NDUFV3: variants seen among roughly 807,000 people sequenced by gnomAD.
The protein encoded by NDUFV3 is NADH:ubiquinone oxidoreductase subunit V3.
Under a neutral mutation model 37.5 loss-of-function variants are expected in NDUFV3, and 44 were observed. The observed-to-expected ratio is 1.17, with a 90% CI of 0.92 to 1.51. NDUFV3 has a LOEUF of 1.51. Ranked by LOEUF, NDUFV3 falls within the 40% of genes most tolerant of loss-of-function variation. NDUFV3 has a pLI of 0.00. For synonymous variants in NDUFV3, 235 were observed against 239.3 expected (o/e 0.98, Z 0.17); for missense variants, 580 against 580.4 (o/e 1.00, Z 0.01).
chr21:42,894,472 A>AATATATG (rs1568854227), intron 1 of NDUFV3, among the ~76,000 whole-genome samples: 1 of 69,582 alleles, frequency 1.4e-5, no homozygotes, highest in East Asian at 2.8e-4. Flanking sequence ...ATAAATATAT[A>AATATATG]TTATATATTT....
intron 2 of NDUFV3, 58 bp from the exon 3 acceptor site, chr21:42,903,122 ATT>A (rs1158769417): frequency 3.7e-6 from 6 of 1,600,854 alleles, no homozygotes; most frequent in Non-Finnish European, 5.1e-6. Context: ...AATGTCTGTA[ATT>A]TTGACTGAGT....
At position 42,904,220 on chromosome 21, in the gene NDUFV3, A is replaced by G; in HGVS notation, c.1208A>G (p.Glu403Gly). The G allele has an allele frequency of 6.2e-7, 1 of 1,613,490 alleles. No individual in the cohort carries two copies. Among genetic ancestry groups the G allele is most frequent in the African/African-American group, 1.3e-5 (1 of 75,050 alleles). Residue 403 changes from glutamate (E) to glycine (G), a missense_variant, in exon 3 of 4, where the codon GAG becomes GGG. Coordinates refer to ENST00000354250, the MANE Select transcript of NDUFV3 (RefSeq NM_021075.4). ...ACAGCAGCGCTGAAGCTTGAGGCCGAGGGCGAGGCCATGGAAGATGCAGCC... is the reference window on the plus strand; with the variant it reads ...ACAGCAGCGCTGAAGCTTGAGGCCGGGGGCGAGGCCATGGAAGATGCAGCC... Reference protein sequence around the residue: ...EKTAALKLEAEGEAMEDAAAP... With the variant: ...EKTAALKLEAGGEAMEDAAAP...
chr21:42,910,342 GT>G lies in NDUFV3; in HGVS notation c.*1323del, dbSNP rs1395649415. The G allele has an allele frequency of 6.6e-6, 1 of 152,142 alleles. No homozygotes were observed. Among genetic ancestry groups the G allele is most frequent in the African/African-American group, 2.4e-5 (1 of 41,382 alleles). 9.4% of individuals were successfully genotyped at this position (152,142 alleles called of 1,614,324 possible). A position where few individuals can be genotyped will look rare whatever the true frequency, so the allele number is the denominator to read the frequency against. ...TCAATCAAAAAAAAGGAACAGGAAT[GT>G]TACTAATTTTAACTACTGCATTGCA... is the stretch of plus-strand genomic sequence containing the variant. On this transcript the variant is annotated 3_prime_UTR_variant, in exon 4 of 4. Coordinates refer to ENST00000354250, the MANE Select transcript of NDUFV3 (RefSeq NM_021075.4).
chr21:42,904,828 A>T (rs932280673), intron 3 of NDUFV3, among the ~76,000 whole-genome samples: 9 of 142,274 alleles, frequency 6.3e-5, no homozygotes, highest in Non-Finnish European at 1.4e-4. Context: ...GTCTTGCTCC[A>T]TCTCCAGGCT....
chr21:42,897,522 T>C (rs1458079015), intron 2 of NDUFV3, among the ~76,000 whole-genome samples: 7 of 152,158 alleles, frequency 4.6e-5, no homozygotes, highest in Admixed American at 3.9e-4. Context: ...TACAGGCATG[T>C]GCCACCACGT....
intron 1 of NDUFV3, among the ~76,000 whole-genome samples, chr21:42,895,559 A>G (rs552362214): frequency 1.2e-4 from 18 of 151,742 alleles, no homozygotes; most frequent in African/African-American, 3.6e-4. Context: ...GGCTGAGGCA[A>G]GAGAATCGCT....
chr21:42,905,736 G>A (rs924464346), intron 3 of NDUFV3, among the ~76,000 whole-genome samples: 5 of 151,976 alleles, frequency 3.3e-5, no homozygotes, highest in East Asian at 1.9e-4. Flanking sequence ...GGCTGGTCTC[G>A]AACTCCTGAC....
chr21:42,908,923 C>T lies in NDUFV3; in HGVS notation c.1324C>T (p.His442Tyr). The change falls in exon 4 of 4, where the codon CAT (histidine) becomes TAT (tyrosine). Residue 442 changes from histidine to tyrosine, a missense_variant. Physicochemically the swap from His to Tyr is moderately conservative, Grantham distance 83. Transcript: ENST00000354250. ...CACTACCTACAAGAACCTGCAGCAT[C>T]ATGACTACAGCACGTACACCTTCTT... ...DNTTYKNLQH[H>Y]DYSTYTFLDL... 1 of 1,614,124 alleles carries T rather than the reference C, an allele frequency of 6.2e-7. No individual in the cohort carries two copies.
At chr21:42,894,559 A>ATT (rs1255547010) in intron 1 of NDUFV3, among the ~76,000 whole-genome samples, 1 of 63,756 alleles carries the variant, frequency 1.6e-5, no homozygotes, top group African/African-American at 9.0e-5. Flanking sequence ...TAATATATAT[A>ATT]TATTTTTTTT....
intron 2 of NDUFV3, among the ~76,000 whole-genome samples, chr21:42,898,170 A>G (rs1212835954): frequency 6.6e-6 from 1 of 152,144 alleles, no homozygotes; most frequent in African/African-American, 2.4e-5. Flanking sequence ...CCAGCCCCTG[A>G]CTGCCTCTCA....
intron 2 of NDUFV3, among the ~76,000 whole-genome samples, chr21:42,899,277 G>GTTTTTTTTTTTTTTTTTTTTTT (rs370812043): frequency 1.4e-5 from 2 of 141,132 alleles, no homozygotes; most frequent in Non-Finnish European, 3.1e-5. Flanking sequence ...GTTGTATCTT[G>GTTTTTTTTTTTTTTTTTTTTTT]TTTTTTTTTG....
At position 42,903,881 on chromosome 21, in the gene NDUFV3, C is replaced by T. The variant is rs1355106411; in HGVS notation, c.869C>T (p.Pro290Leu). 3.1e-6 allele frequency: 5 copies of T among 1,611,806 alleles called. No individual in the cohort carries two copies. The East Asian group carries it at 8.9e-5, about 29-fold the overall frequency. The change falls in exon 3 of 4, where the codon CCC becomes CTC. Residue 290 changes from proline (P) to leucine (L), a missense_variant. Pro to Leu is a moderately conservative substitution (Grantham distance 98). Transcript: ENST00000354250. ...ESQKPFEVKG[P>L]LPVHTKSGLS... ...CAAAAGCCATTTGAAGTTAAAGGACCCTTACCTGTCCACACAAAATCAGGG... is the reference window on the plus strand; with the variant it reads ...CAAAAGCCATTTGAAGTTAAAGGACTCTTACCTGTCCACACAAAATCAGGG...
At chr21:42,902,543 A>G (rs1328919843) in intron 2 of NDUFV3, among the ~76,000 whole-genome samples, 3 of 152,198 alleles carry the variant, frequency 2.0e-5, no homozygotes, top group Non-Finnish European at 2.9e-5. Context: ...TTTGAGTTCT[A>G]TTTTGAGGTG....
rs1179452826 is a variant in NDUFV3 at position 42,894,444 on chromosome 21, TA to T, written c.48+1064del. Among the ~76,000 whole-genome samples the T allele has an allele frequency of 6.3e-4, 35 of 55,296 alleles. 4 individuals carry two copies. The South Asian group carries it at 0.013, about 20-fold the overall frequency. The allele number at this position is 55,296 out of a possible 152,430, so 36.3% of individuals were successfully genotyped here. A position where few individuals can be genotyped will look rare whatever the true frequency, so the allele number is the denominator to read the frequency against. ...TATTATATAAATATATATTATATAA[TA>T]TATATAATATGTTTATATAAATATA... On this transcript the variant is annotated intron_variant, in intron 1 of 3. Coordinates refer to ENST00000354250, the MANE Select transcript of NDUFV3 (RefSeq NM_021075.4).
Position 42,893,342 on chromosome 21 carries a change from C to A in NDUFV3, c.9C>A (p.Ala3=). The A allele has an allele frequency of 6.5e-7, 1 of 1,538,518 alleles. No homozygotes were observed. The highest frequency in any genetic ancestry group is 8.7e-7 in the Non-Finnish European group (1 of 1,146,396). ...CGCCCGCTGTCACCGCCATGGCTGC[C>A]CCGTGTTTGCTGCGGCAAGGACGAG... MA[A]PCLLRQGRAG... Residue 3 remains alanine (A), a synonymous_variant, in exon 1 of 4, where the codon GCC becomes GCA. Coordinates refer to ENST00000354250, the MANE Select transcript of NDUFV3 (RefSeq NM_021075.4).
intron 1 of NDUFV3, among the ~76,000 whole-genome samples, chr21:42,896,151 ATTTTTT>A (rs143845594): frequency 1.1e-5 from 1 of 90,940 alleles, no homozygotes; most frequent in Non-Finnish European, 2.0e-5. Flanking sequence ...GCCTGGCTAA[ATTTTTT>A]TTTTTTTTTT....
rs368090417 is a variant in NDUFV3 at position 42,906,665 on chromosome 21, C to T, written c.1265-2199C>T. On this transcript the variant is annotated intron_variant, in intron 3 of 3. Transcript: ENST00000354250. ...TTCTTAACTATCTTCTGTGCGCATGCGCAGAGCCCACCTTGCAGAGCCGTG... is the reference window on the plus strand; with the variant it reads ...TTCTTAACTATCTTCTGTGCGCATGTGCAGAGCCCACCTTGCAGAGCCGTG... 1.1e-4 allele frequency among the ~76,000 whole-genome samples: 16 copies of T among 152,346 alleles called. No homozygotes were observed. The South Asian group carries it at 2.9e-3, about 28-fold the overall frequency.
In NDUFV3 at chr21:42,894,120, T is replaced by C. The variant is rs1341547042; in HGVS notation, c.48+739T>C. 3.4e-5 allele frequency among the ~76,000 whole-genome samples: 5 copies of C among 149,090 alleles called. No individual in the cohort carries two copies. The East Asian group carries it at 9.9e-4, about 30-fold the overall frequency. On this transcript the variant is annotated intron_variant, in intron 1 of 3. Coordinates refer to ENST00000354250, the MANE Select transcript of NDUFV3 (RefSeq NM_021075.4). ...ATCCCAGCTACTCGGGAGGCTGAGGTGGGAGGATCCCATGAACCCGGGACG... is the reference window on the plus strand; with the variant it reads ...ATCCCAGCTACTCGGGAGGCTGAGGCGGGAGGATCCCATGAACCCGGGACG...
At chr21:42,898,554 C>T (rs560709367) in intron 2 of NDUFV3, among the ~76,000 whole-genome samples, 16 of 152,314 alleles carry the variant, frequency 1.1e-4, no homozygotes, top group African/African-American at 3.6e-4. Flanking sequence ...ACTGCAGCCT[C>T]GACCTTCCAA....
Sources: allele counts gnomAD v4.1 joint callset (sites outside exome capture counted in the v4.1 genomes callset), GRCh38; gene constraint gnomAD v4.1.1; transcripts MANE v1.5; gene names NCBI Gene and HGNC (gene_info 2026-07-23, HGNC 2026-07-21).